GRM4: variants seen among roughly 807,000 people sequenced by gnomAD.
GRM4 encodes the protein metabotropic glutamate receptor 4.
A neutral mutation model predicts 81.7 loss-of-function variants in GRM4; 28 were observed. That is an observed-to-expected ratio of 0.34 (90% confidence interval 0.25 to 0.47). The LOEUF is 0.47. GRM4 is among the 20% of genes least tolerant of loss of function. GRM4 has a pLI of 1.00. For missense variants in GRM4, 948 were observed against 1,290.0 expected (o/e 0.73, Z 4.06); for synonymous variants, 488 against 528.8 (o/e 0.92, Z 1.06).
chr6:34,101,423 T>G (rs1331926668), intron 2 of GRM4, among the ~76,000 whole-genome samples: 1 of 152,220 alleles, frequency 6.6e-6, no homozygotes, highest in Non-Finnish European at 1.5e-5. Flanking sequence ...GAGCCCATGC[T>G]GCTGTCAGGT....
chr6:34,022,738 T>A lies in GRM4; in HGVS notation c.*83A>T. The A allele has an allele frequency of 8.0e-7, 1 of 1,244,004 alleles. No homozygotes were observed. Among genetic ancestry groups the A allele is most frequent in the Non-Finnish European group, 1.2e-6 (1 of 845,282 alleles). The allele number at this position is 1,244,004 out of a possible 1,614,324, so 77.1% of individuals were successfully genotyped here. On this transcript the variant is annotated 3_prime_UTR_variant, in exon 11 of 11. Transcript: ENST00000538487. The surrounding 1 kb of genome is among the most constrained non-coding windows in gnomAD (Gnocchi z 5.6). ...GGTGCCCACGGGCAGGCAAGACAGCTGGGCCCTTGGGTGTGGCCCTGGCCC... is the reference window on the plus strand; with the variant it reads ...GGTGCCCACGGGCAGGCAAGACAGCAGGGCCCTTGGGTGTGGCCCTGGCCC...
intron 6 of GRM4, among the ~76,000 whole-genome samples, chr6:34,049,482 T>G (rs1341851201): frequency 6.6e-6 from 1 of 151,982 alleles, no homozygotes; most frequent in African/African-American, 2.4e-5. Context: ...CACTCCTTGG[T>G]GCTCCCAGCC....
chr6:34,143,951 G>A (rs1158818274), intron 1 of GRM4, among the ~76,000 whole-genome samples: 1 of 152,244 alleles, frequency 6.6e-6, no homozygotes, highest in Non-Finnish European at 1.5e-5. Context: ...TGACACAGGG[G>A]CAGCCACCGC....
intron 2 of GRM4, among the ~76,000 whole-genome samples, chr6:34,126,487 C>A (rs551879053): frequency 6.6e-6 from 1 of 152,146 alleles, no homozygotes; most frequent in Non-Finnish European, 1.5e-5. Flanking sequence ...ACATGGCAAT[C>A]CCCCCTGACT....
At chr6:34,132,310 C>A (rs58905671) in intron 2 of GRM4, among the ~76,000 whole-genome samples, 1 of 152,222 alleles carries the variant, frequency 6.6e-6, no homozygotes, top group Non-Finnish European at 1.5e-5. Flanking sequence ...CTCTCTCAGG[C>A]CTCAGTTTTC....
chr6:34,087,379 A>G (rs1487177298), intron 3 of GRM4, among the ~76,000 whole-genome samples: 1 of 149,948 alleles, frequency 6.7e-6, no homozygotes, highest in Non-Finnish European at 1.5e-5. Context: ...AGATCACGCC[A>G]CTGCACTCCA....
Position 34,035,224 on chromosome 6 carries a change from G to A in GRM4, c.2442+444C>T, listed in dbSNP as rs1227132546. ...TACAGCGCTCCAGGCTTATGGAGGG[G>A]GGAAGGGGTGAGAGAATAGGAGGAG... is the stretch of plus-strand genomic sequence containing the variant. On this transcript the variant is annotated intron_variant, in intron 9 of 10. Transcript: ENST00000538487. This position sits in a 1 kb window ranked among gnomAD's most constrained non-coding sequence, Gnocchi z 6.6. Among the ~76,000 whole-genome samples the A allele has an allele frequency of 1.3e-5, 2 of 151,674 alleles. No individual in the cohort carries two copies. The highest frequency in any genetic ancestry group is 2.4e-5 in the African/African-American group (1 of 41,236).
chr6:34,115,791 TG>T lies in GRM4; in HGVS notation c.519+17186del, dbSNP rs1269214748. Among the ~76,000 whole-genome samples the T allele has an allele frequency of 6.6e-6, 1 of 152,174 alleles. No homozygotes were observed. Among genetic ancestry groups the T allele is most frequent in the African/African-American group, 2.4e-5 (1 of 41,428 alleles). On this transcript the variant is annotated intron_variant, in intron 2 of 10. Transcript: ENST00000538487. The surrounding 1 kb of genome is among the most constrained non-coding windows in gnomAD (Gnocchi z 4.1). ...CAGCTCTTCAGGCTCCAGGAGAAAC[TG>T]CGGACACATCACACCTCCCTGGGCT...
chr6:34,069,342 C>T lies in GRM4; in HGVS notation c.737-7314G>A, dbSNP rs951030102. Among the ~76,000 whole-genome samples the T allele has an allele frequency of 2.6e-5, 4 of 152,124 alleles. No homozygotes were observed. Among genetic ancestry groups the T allele is most frequent in the South Asian group, 2.1e-4 (1 of 4,834 alleles). On this transcript the variant is annotated intron_variant, in intron 3 of 10. Transcript: ENST00000538487. The surrounding 1 kb of genome is among the most constrained non-coding windows in gnomAD (Gnocchi z 6.4). ...TGCTACTTTTATTTTCAGCTGGGGG[C>T]GAAGCCTGAATGTAAATAATGGAGC...
rs561178187 is a variant in GRM4 at position 34,097,455 on chromosome 6, G to A, written c.520-5356C>T. 2.7e-3 allele frequency among the ~76,000 whole-genome samples: 375 copies of A among 137,116 alleles called. 1 individual carries two copies. The highest frequency in any genetic ancestry group is 9.4e-3 in the African/African-American group (332 of 35,152). 90.0% of individuals were successfully genotyped at this position (137,116 alleles called of 152,430 possible). ...TGTGTGTGTGTGTGTGTGTGTGCGC[G>A]CGCATGTGTGTATCCAGGCACACAT... On this transcript the variant is annotated intron_variant, in intron 2 of 10. Coordinates refer to ENST00000538487, the MANE Select transcript of GRM4 (RefSeq NM_000841.4).
rs1030301291 is a variant in GRM4 at position 34,034,245 on chromosome 6, C to T, written c.2442+1423G>A. Among the ~76,000 whole-genome samples, 1 of 152,248 alleles carries T rather than the reference C, an allele frequency of 6.6e-6. No individual in the cohort carries two copies. The highest frequency in any genetic ancestry group is 1.5e-5 in the Non-Finnish European group (1 of 68,046). ...CAGGCTCCTCTCATTGTCTGCTCTT[C>T]CTTAGCATGGGAAACTCCTTCCTTC... On this transcript the variant is annotated intron_variant, in intron 9 of 10. Coordinates refer to ENST00000538487, the MANE Select transcript of GRM4 (RefSeq NM_000841.4). The surrounding 1 kb of genome is among the most constrained non-coding windows in gnomAD (Gnocchi z 4.0).
chr6:34,148,973 A>G (rs1306893561), upstream of GRM4, among the ~76,000 whole-genome samples: 2 of 152,148 alleles, frequency 1.3e-5, no homozygotes, highest in Admixed American at 6.5e-5. Context: ...GAAGAGAGAG[A>G]GGCAGGGAGT....
chr6:34,128,803 T>G (rs1177353406), intron 2 of GRM4, among the ~76,000 whole-genome samples: 6 of 152,206 alleles, frequency 3.9e-5, no homozygotes, highest in Admixed American at 3.3e-4. Context: ...GACCTCAGGC[T>G]GCCTGGCTCC....
intron 2 of GRM4, among the ~76,000 whole-genome samples, chr6:34,116,321 C>T (rs1052815774): frequency 8.1e-4 from 124 of 152,256 alleles, no homozygotes; most frequent in African/African-American, 2.9e-3. Flanking sequence ...TCCTAGCTGG[C>T]GACTCACACA....
chr6:34,085,974 G>A (rs970518224), intron 3 of GRM4, among the ~76,000 whole-genome samples: 1 of 152,194 alleles, frequency 6.6e-6, no homozygotes, highest in African/African-American at 2.4e-5. Flanking sequence ...AAGGCCCTGA[G>A]GCGAGCTGGT....
chr6:34,025,139 T>A (rs1764067412), intron 10 of GRM4, among the ~76,000 whole-genome samples: 1 of 152,220 alleles, frequency 6.6e-6, no homozygotes. Flanking sequence ...TCAGTTTCCC[T>A]GCTTGTAACT....
intron 2 of GRM4, among the ~76,000 whole-genome samples, chr6:34,108,007 C>T (rs897670063): frequency 8.5e-5 from 13 of 152,206 alleles, no homozygotes; most frequent in African/African-American, 3.1e-4. Context: ...CTGAGTGGTT[C>T]CCCTCTGGGC....
chr6:34,081,701 C>T (rs1674521156), intron 3 of GRM4, among the ~76,000 whole-genome samples: 1 of 152,082 alleles, frequency 6.6e-6, no homozygotes, highest in Admixed American at 6.5e-5. Flanking sequence ...TTGGTGGGCC[C>T]ATGTAGGCCT....
chr6:34,094,872 T>C (rs1030099049), intron 2 of GRM4, among the ~76,000 whole-genome samples: 4 of 152,182 alleles, frequency 2.6e-5, no homozygotes, highest in African/African-American at 7.2e-5. Flanking sequence ...AGTGGCTCCT[T>C]CTCACTCATC....
Sources: gnomAD v4.1 joint callset for allele counts (sites outside exome capture counted in the v4.1 genomes callset) on GRCh38, gnomAD v4.1.1 for gene constraint, Gnocchi (gnomAD v3.1) non-coding constraint, MANE v1.5 for transcripts, NCBI Gene and HGNC (gene_info 2026-07-23, HGNC 2026-07-21) for gene names.